PLXNB1: variants seen among roughly 807,000 people sequenced by gnomAD.
PLXNB1 encodes the protein plexin-B1.
Under a neutral mutation model 209.4 loss-of-function variants are expected in PLXNB1, and 106 were observed. The observed-to-expected ratio is 0.51, with a 90% CI of 0.43 to 0.59. The LOEUF (loss-of-function observed/expected upper bound fraction) is 0.59, where lower values mean the gene tolerates loss of function less well. PLXNB1 is among the 20% of genes least tolerant of loss of function. The probability of loss-of-function intolerance (pLI) is 0.00; values close to 1 mark genes in which losing one functional copy is unlikely to be tolerated. For missense variants in PLXNB1, 2,357 were observed against 2,853.2 expected, an observed-to-expected ratio of 0.83 and a Z score of 3.96; for synonymous variants, 1,167 against 1,183.2, an observed-to-expected ratio of 0.99 and a Z score of 0.28.
rs2037989105 is a variant in PLXNB1, at chr3:48,415,126, G to A, written c.3966+50C>T. Reference sequence around the variant, plus strand: ...GGCACCTGCTCTGGCTGTCCCCAGGGTGTGGTATGGGGCAAGGGGAGAGTG... The same window carrying A: ...GGCACCTGCTCTGGCTGTCCCCAGGATGTGGTATGGGGCAAGGGGAGAGTG... On this transcript the variant is annotated intron_variant, in intron 20 of 37. Transcript: ENST00000296440. The surrounding 1 kb of genome is among the most constrained non-coding windows in gnomAD (Gnocchi z 5.0). The A allele has an allele frequency of 1.2e-6, 2 of 1,606,456 alleles. No individual in the cohort carries two copies. Among genetic ancestry groups the A allele is most frequent in the South Asian group, 1.1e-5 (1 of 90,940 alleles).
intron 10 of PLXNB1, 72 bp downstream of exon 10, chr3:48,420,593 G>C: frequency 8.2e-7 from 1 of 1,226,596 alleles, no homozygotes; most frequent in Non-Finnish European, 1.2e-6. Context: ...GACAGACCCC[G>C]GGCCATGAGA....
At chr3:48,424,734 G>T in intron 2 of PLXNB1, 117 bp from the exon 3 acceptor site, 1 of 1,066,642 alleles carries the variant, frequency 9.4e-7, no homozygotes, top group Non-Finnish European at 1.3e-6. Flanking sequence ...CCTAGGGGGT[G>T]AGCAGAGGAG....
Position 48,414,996 on chromosome 3 carries a change from G to A in PLXNB1, c.4012C>T (p.Arg1338Cys), listed in dbSNP as rs369371211. 7.3e-5 allele frequency: 118 copies of A among 1,613,504 alleles called. No individual in the cohort carries two copies. Among genetic ancestry groups the A allele is most frequent in the Non-Finnish European group, 9.0e-5 (106 of 1,180,006 alleles). ...GGCAGGCCTGGGAGGGCAGGTGTGC[G>A]GCACGTGATGAGCTGGGAGGAGTTG... ...HVNSSQLITC[R>C]TPALPGLPED... The change falls in exon 21 of 38, where the codon CGC (arginine) becomes TGC (cysteine). Residue 1338 changes from arginine (R) to cysteine (C), a missense_variant. Around this residue, in one of 7 missense-constraint regions of PLXNB1, gnomAD observed 743 missense variants for 896.2 expected, o/e 0.83. Coordinates refer to ENST00000296440, the MANE Select transcript of PLXNB1 (RefSeq NM_001130082.3).
Position 48,419,063 on chromosome 3 carries a change from T to G in PLXNB1, c.2833-24A>C. The G allele has an allele frequency of 6.2e-7, 1 of 1,611,770 alleles. No individual in the cohort carries two copies. Among genetic ancestry groups the G allele is most frequent in the Non-Finnish European group, 8.5e-7 (1 of 1,178,154 alleles). ...TCCTGAGGGCAGAGAACACAGCTGT[T>G]GGGCAGCTTCAGGAGCTGGGCCCAG... On this transcript the variant is annotated intron_variant, in intron 12 of 37. Transcript: ENST00000296440. The surrounding 1 kb of genome is among the most constrained non-coding windows in gnomAD (Gnocchi z 5.7).
At position 48,410,872 on chromosome 3, in the gene PLXNB1, A is replaced by G. The variant is rs371843508; in HGVS notation, c.5412T>C (p.Asp1804=). The part of the protein sequence containing the change: ...LTQRPDPRTL[D]VEWRSGVAGH... The stretch of plus-strand genomic sequence containing the variant: ...AGGGGCTCTCCACGCCCTCACCAAC[A>G]TCAAGGGTGCGAGGGTCTGGCCGCT... Residue 1804 remains aspartate, a synonymous_variant, in exon 29 of 38, where the codon GAT becomes GAC. Transcript: ENST00000296440. This position sits in a 1 kb window ranked among gnomAD's most constrained non-coding sequence, Gnocchi z 6.4. 2.5e-5 allele frequency: 40 copies of G among 1,610,244 alleles called. No homozygotes were observed. The African/African-American group carries it at 5.1e-4, about 20-fold the overall frequency.
At position 48,410,480 on chromosome 3, in the gene PLXNB1, C is replaced by T. The variant is rs140052429; in HGVS notation, c.5495G>A (p.Arg1832His). Residue 1832 changes from arginine to histidine, a missense_variant, in exon 30 of 38, where the codon CGC becomes CAC. Physicochemically the swap from Arg to His is conservative, Grantham distance 29. Coordinates refer to ENST00000296440, the MANE Select transcript of PLXNB1 (RefSeq NM_001130082.3). This position sits in a 1 kb window ranked among gnomAD's most constrained non-coding sequence, Gnocchi z 6.4. Reference sequence around the variant, plus strand: ...CTTGTAATGCTGCAGTGTGTTCAGGCGCCTCCACAGACCCTGGACCTCAGA... The same window carrying T: ...CTTGTAATGCTGCAGTGTGTTCAGGTGCCTCCACAGACCCTGGACCTCAGA... ...VTSEVQGLWRRLNTLQHYKVP... is the reference protein window; with the variant it reads ...VTSEVQGLWRHLNTLQHYKVP... The T allele has an allele frequency of 8.9e-4, 1,434 of 1,613,804 alleles. 4 individuals carry two copies. The highest frequency in any genetic ancestry group is 1.1e-3 in the Non-Finnish European group (1,244 of 1,179,930).
At chr3:48,420,819 C>T in intron 9 of PLXNB1, 29 bp downstream of exon 9, 1 of 1,612,048 alleles carries the variant, frequency 6.2e-7, no homozygotes, top group South Asian at 1.1e-5. Flanking sequence ...CAGGGAAGCC[C>T]AGGCCTGGGG....
At chr3:48,407,243 G>T (rs555646840) in intron 34 of PLXNB1, 152 bp from the exon 35 acceptor site, 44 of 687,942 alleles carry the variant, frequency 6.4e-5, no homozygotes, top group Middle Eastern at 3.5e-4. Context: ...CGGAAAACCA[G>T]GACAGGTGGT....
At position 48,410,154 on chromosome 3, in the gene PLXNB1, C is replaced by T. The variant is rs2037576990; in HGVS notation, c.5606-77G>A. 1 of 1,500,606 alleles carries T rather than the reference C, an allele frequency of 6.7e-7. No individual in the cohort carries two copies. The highest frequency in any genetic ancestry group is 1.4e-5 in the African/African-American group (1 of 71,704). 93.0% of individuals were successfully genotyped at this position (1,500,606 alleles called of 1,614,324 possible). A position where few individuals can be genotyped will look rare whatever the true frequency, so the allele number is the denominator to read the frequency against. On this transcript the variant is annotated intron_variant, in intron 31 of 37. Coordinates refer to ENST00000296440, the MANE Select transcript of PLXNB1 (RefSeq NM_001130082.3). The surrounding 1 kb of genome is among the most constrained non-coding windows in gnomAD (Gnocchi z 6.4). Reference sequence around the variant, plus strand: ...GCCCCCTGTTTCTTGCCAGCTCTCCCAGGGGTGGGGGCACCTGGTTGAGGG... The same window carrying T: ...GCCCCCTGTTTCTTGCCAGCTCTCCTAGGGGTGGGGGCACCTGGTTGAGGG...
rs759321808 is a variant in PLXNB1, at chr3:48,420,208, G to A, written c.2078C>T (p.Ser693Phe). ...DPPARGGPSPSPPTAPKALAT... is the reference protein window; with the variant it reads ...DPPARGGPSPFPPTAPKALAT... ...CAGGGCTTTGGGGGCTGTGGGTGGG[G>A]AGGGGCTGGGTCCACCTCTTGCAGG... Residue 693 changes from serine to phenylalanine, a missense_variant, in exon 11 of 38, where the codon TCC becomes TTC. Transcript: ENST00000296440. 2 of 1,487,996 alleles carry A rather than the reference G, an allele frequency of 1.3e-6. No individual in the cohort carries two copies. Among genetic ancestry groups the A allele is most frequent in the Non-Finnish European group, 1.8e-6 (2 of 1,091,854 alleles). 92.2% of individuals were successfully genotyped at this position (1,487,996 alleles called of 1,614,324 possible).
At position 48,413,415 on chromosome 3, in the gene PLXNB1, T is replaced by C; in HGVS notation, c.4536-246A>G. On this transcript the variant is annotated intron_variant, in intron 23 of 37. Transcript: ENST00000296440. The surrounding 1 kb of genome is among the most constrained non-coding windows in gnomAD (Gnocchi z 5.4). ...GCCAACCACAACCAGGCCAAATCCA[T>C]CCCACAACCTATTTTTATAAAGATT... The C allele has an allele frequency of 1.7e-6, 1 of 600,724 alleles. No homozygotes were observed. Among genetic ancestry groups the C allele is most frequent in the East Asian group, 2.8e-5 (1 of 35,944 alleles). 37.2% of individuals were successfully genotyped at this position (600,724 alleles called of 1,614,324 possible).
Position 48,418,390 on chromosome 3 carries a change from A to G in PLXNB1, c.3050-27T>C. 1 of 1,613,514 alleles carries G rather than the reference A, an allele frequency of 6.2e-7. No individual in the cohort carries two copies. Among genetic ancestry groups the G allele is most frequent in the Non-Finnish European group, 8.5e-7 (1 of 1,179,972 alleles). ...TGGGGGTGGCAGAGACACACGTGAG[A>G]GGCAGGCCTGGGAGAGCCCTGCTAC... On this transcript the variant is annotated intron_variant, in intron 14 of 37. Transcript: ENST00000296440. The surrounding 1 kb of genome is among the most constrained non-coding windows in gnomAD (Gnocchi z 6.6).
chr3:48,414,898 TG>T lies in PLXNB1; in HGVS notation c.4109del (p.Thr1370AsnfsTer50), dbSNP rs2037972308. 1 of 1,613,744 alleles carries T rather than the reference TG, an allele frequency of 6.2e-7. No individual in the cohort carries two copies. Among genetic ancestry groups the T allele is most frequent in the Non-Finnish European group, 8.5e-7 (1 of 1,179,994 alleles). Reference sequence around the variant, plus strand: ...TGGGGTCGGCCTCATAGGAGAAAGGTGTGGGGTTCAGTGTTGCAAAGTCAAA... The same window carrying T: ...TGGGGTCGGCCTCATAGGAGAAAGGTTGGGGTTCAGTGTTGCAAAGTCAAA... ...LVFDFATLNP[T>X]PFSYEADPTL... On this transcript the variant is annotated frameshift_variant, in exon 21 of 38. Transcript: ENST00000296440. LOFTEE classifies it high-confidence loss of function.
rs1424612374 is a variant in PLXNB1 at position 48,405,117 on chromosome 3, CG to C, written c.6304-528del. ...ATCACACCCTGCCTCCCCCAAGCCCCGTGCCATGGCCCACACCATGCCGAGG... is the reference window on the plus strand; with the variant it reads ...ATCACACCCTGCCTCCCCCAAGCCCCTGCCATGGCCCACACCATGCCGAGG... On this transcript the variant is annotated intron_variant, in intron 37 of 37. Transcript: ENST00000296440. The surrounding 1 kb of genome is among the most constrained non-coding windows in gnomAD (Gnocchi z 5.0). Among the ~76,000 whole-genome samples, 2 of 152,204 alleles carry C rather than the reference CG, an allele frequency of 1.3e-5. No individual in the cohort carries two copies. The highest frequency in any genetic ancestry group is 2.9e-5 in the Non-Finnish European group (2 of 68,028).
At position 48,413,546 on chromosome 3, in the gene PLXNB1, C is replaced by T. The variant is rs2106814997; in HGVS notation, c.4535+124G>A. On this transcript the variant is annotated intron_variant, in intron 23 of 37. Transcript: ENST00000296440. This position sits in a 1 kb window ranked among gnomAD's most constrained non-coding sequence, Gnocchi z 5.4. ...AACAGAGACCACTTGGCCTGCAAAG[C>T]GAAAATATTTACTCTCTGGCCATTT... The T allele has an allele frequency of 9.0e-7, 1 of 1,111,138 alleles. No homozygotes were observed. The highest frequency in any genetic ancestry group is 1.3e-6 in the Non-Finnish European group (1 of 798,144). 68.8% of individuals were successfully genotyped at this position (1,111,138 alleles called of 1,614,324 possible). A position where few individuals can be genotyped will look rare whatever the true frequency, so the allele number is the denominator to read the frequency against.
chr3:48,424,282 T>A lies in PLXNB1; in HGVS notation c.330A>T (p.Val110=), dbSNP rs1481641207. 1.3e-6 allele frequency: 2 copies of A among 1,583,804 alleles called. No homozygotes were observed. The highest frequency in any genetic ancestry group is 1.7e-6 in the Non-Finnish European group (2 of 1,165,296). Residue 110 remains valine (V), a synonymous_variant, in exon 3 of 38, where the codon GTA becomes GTT. Transcript: ENST00000296440. The part of the protein sequence containing the change: ...LLLVSPGALV[V]CGSVHQGVCE... ...AGACCCCCTGGTGCACGCTCCCGCA[T>A]ACCACCAGGGCCCCTGGGCTCACCA... is the stretch of plus-strand genomic sequence containing the variant.
Position 48,413,620 on chromosome 3 carries a change from A to G in PLXNB1, c.4535+50T>C, listed in dbSNP as rs747351894. 1.9e-6 allele frequency: 3 copies of G among 1,556,104 alleles called. No homozygotes were observed. Among genetic ancestry groups the G allele is most frequent in the Non-Finnish European group, 2.6e-6 (3 of 1,143,582 alleles). On this transcript the variant is annotated intron_variant, in intron 23 of 37. Coordinates refer to ENST00000296440, the MANE Select transcript of PLXNB1 (RefSeq NM_001130082.3). The surrounding 1 kb of genome is among the most constrained non-coding windows in gnomAD (Gnocchi z 5.4). ...GGCCCGGTCTGTCCCTTCCCAGTCC[A>G]GCCAGATCCCACGACCTGCCCCAGC...
rs756763755 is a variant in PLXNB1 at position 48,413,755 on chromosome 3, C to T, written c.4450G>A (p.Ala1484Thr). 10 of 1,613,834 alleles carry T rather than the reference C, an allele frequency of 6.2e-6. No individual in the cohort carries two copies. The highest frequency in any genetic ancestry group is 8.5e-6 in the Non-Finnish European group (10 of 1,180,026). The change falls in exon 23 of 38, where the codon GCT becomes ACT. Residue 1484 changes from alanine to threonine, a missense_variant. Around this residue, in one of 7 missense-constraint regions of PLXNB1, gnomAD observed 743 missense variants for 896.2 expected, o/e 0.83. Transcript: ENST00000296440. The surrounding 1 kb of genome is among the most constrained non-coding windows in gnomAD (Gnocchi z 5.4). ...HVQYDGESPG[A>T]FPVAAQVGLG... is the part of the protein sequence containing the mutation. ...CCCACCTGGGCTGCCACAGGAAAAG[C>T]CCCAGGGCTCTCGCCGTCATACTGC...
chr3:48,409,344 G>A lies in PLXNB1; in HGVS notation c.6072C>T (p.Asp2024=), dbSNP rs370974757. 3.0e-5 allele frequency: 48 copies of A among 1,614,030 alleles called. No homozygotes were observed. Among genetic ancestry groups the A allele is most frequent in the Admixed American group, 2.0e-4 (12 of 60,006 alleles). Residue 2024 remains aspartate (D), a synonymous_variant, in exon 34 of 38, where the codon GAC becomes GAT. Coordinates refer to ENST00000296440, the MANE Select transcript of PLXNB1 (RefSeq NM_001130082.3). This position sits in a 1 kb window ranked among gnomAD's most constrained non-coding sequence, Gnocchi z 5.8. ...ACTCGCTCACCCGGCCCAGCTTGTG[G>A]TCGGCCAGGGTGCAGGCGTCCATGA... ...QTFMDACTLA[D]HKLGRDSPIN... is the part of the protein sequence containing the mutation.
Sources: allele counts gnomAD v4.1 joint callset (sites outside exome capture counted in the v4.1 genomes callset), GRCh38; gene constraint gnomAD v4.1.1; regional missense constraint gnomAD v4.1.1; non-coding constraint Gnocchi (gnomAD v3.1); transcripts MANE v1.5; gene names NCBI Gene and HGNC (gene_info 2026-07-23, HGNC 2026-07-21).